Variants in PARD3B observed in about 807,000 individuals in gnomAD.
PARD3B encodes par-3 family cell polarity regulator beta.
PARD3B carries 103 observed loss-of-function variants against 130.2 expected under a neutral mutation model. That is an observed-to-expected ratio of 0.79 (90% CI 0.67 to 0.93). The LOEUF is 0.93. Among genes scored for constraint, PARD3B ranks in the 40% least tolerant of loss-of-function variants. The pLI is 0.00. For missense variants in PARD3B, 1,609 were observed against 1,499.2 expected (o/e 1.07, Z -1.21); for synonymous variants, 583 against 553.2 (o/e 1.05, Z -0.76).
At chr2:205,236,732 A>G (rs2039078367) in intron 15 of PARD3B, among the ~76,000 whole-genome samples, 1 of 152,226 alleles carries the variant, frequency 6.6e-6, no homozygotes, top group South Asian at 2.1e-4. Flanking sequence ...ACACATATTA[A>G]CAGACTAAAA....
At chr2:204,777,046 A>G (rs773814917) in intron 2 of PARD3B, among the ~76,000 whole-genome samples, 323 of 152,300 alleles carry the variant, frequency 2.1e-3, no homozygotes, top group Non-Finnish European at 3.5e-3. Context: ...CTCAGTGAAG[A>G]TGATAAATAA....
chr2:204,861,741 T>C (rs1411298322), intron 2 of PARD3B, among the ~76,000 whole-genome samples: 2 of 151,786 alleles, frequency 1.3e-5, no homozygotes, highest in South Asian at 4.2e-4. Context: ...TAGTAGCATC[T>C]GACTGGAATT....
intron 21 of PARD3B, among the ~76,000 whole-genome samples, chr2:205,508,148 A>G (rs2050446632): frequency 1.3e-5 from 2 of 152,188 alleles, no homozygotes; most frequent in Non-Finnish European, 2.9e-5. Context: ...TGAAAGGACT[A>G]AAGTTGCTCT....
rs529702676 is a variant in PARD3B, at chr2:205,120,021, C to T, written c.806+975C>T. ...CAAAACAGCTCCTAATACATCTTCT[C>T]GCTGGGCATTAGTTGTCAATATTGT... is the stretch of plus-strand genomic sequence containing the variant. On this transcript the variant is annotated intron_variant, in intron 7 of 22. Transcript: ENST00000406610. Among the ~76,000 whole-genome samples, 4 of 152,046 alleles carry T rather than the reference C, an allele frequency of 2.6e-5. No individual in the cohort carries two copies. In the South Asian group the frequency reaches 6.3e-4, roughly 24 times the overall value.
intron 2 of PARD3B, among the ~76,000 whole-genome samples, chr2:204,790,535 A>G (rs1005331962): frequency 6.6e-6 from 1 of 152,210 alleles, no homozygotes; most frequent in African/African-American, 2.4e-5. Context: ...TGATGTTTAC[A>G]TTCTGGTACC....
chr2:204,738,253 G>T (rs1173271544), intron 2 of PARD3B, among the ~76,000 whole-genome samples: 1 of 152,088 alleles, frequency 6.6e-6, no homozygotes, highest in Non-Finnish European at 1.5e-5. Flanking sequence ...TTTTAGCAGT[G>T]TTTTGTAGTT....
rs982563859 is a variant in PARD3B, at chr2:205,160,273, T to C, written c.1620+1366T>C. Among the ~76,000 whole-genome samples the C allele has an allele frequency of 6.6e-6, 1 of 151,910 alleles. No individual in the cohort carries two copies. Among genetic ancestry groups the C allele is most frequent in the African/African-American group, 2.4e-5 (1 of 41,326 alleles). On this transcript the variant is annotated intron_variant, in intron 11 of 22. Coordinates refer to ENST00000406610, the MANE Select transcript of PARD3B (RefSeq NM_001302769.2). The surrounding 1 kb of genome is among the most constrained non-coding windows in gnomAD (Gnocchi z 4.0). ...ATAGCTCTGTGTGGGGGAGCTGGGG[T>C]TTGGGTAGGATTCTGATTCAGGCTG...
chr2:205,522,097 A>ATAATATATTTAATAATTATTTTTT, intron 21 of PARD3B, among the ~76,000 whole-genome samples: 1 of 151,678 alleles, frequency 6.6e-6, no homozygotes, highest in African/African-American at 2.4e-5. Context: ...TCTTTACCAA[A>ATAATATATTTAATAATTATTTTTT]TAATATATTT....
chr2:205,332,734 G>C (rs115230132), intron 18 of PARD3B, among the ~76,000 whole-genome samples: 1 of 152,192 alleles, frequency 6.6e-6, no homozygotes, highest in East Asian at 1.9e-4. Context: ...AGGGTGCAGA[G>C]AGCTCTCCCT....
At position 204,610,986 on chromosome 2, in the gene PARD3B, C is replaced by G. The variant is rs982347916; in HGVS notation, c.120+64867C>G. Among the ~76,000 whole-genome samples, 5 of 152,184 alleles carry G rather than the reference C, an allele frequency of 3.3e-5. No individual in the cohort carries two copies. Among genetic ancestry groups the G allele is most frequent in the Non-Finnish European group, 7.3e-5 (5 of 68,038 alleles). ...TTTCCTGCTTTTCGAAATCATTTCT[C>G]TCATACCATCCCTCCAGCAGCGGTC... On this transcript the variant is annotated intron_variant, in intron 1 of 22. Coordinates refer to ENST00000406610, the MANE Select transcript of PARD3B (RefSeq NM_001302769.2). The surrounding 1 kb of genome is among the most constrained non-coding windows in gnomAD (Gnocchi z 4.1).
intron 2 of PARD3B, among the ~76,000 whole-genome samples, chr2:204,879,427 T>C (rs1462819114): frequency 6.6e-6 from 1 of 152,176 alleles, no homozygotes; most frequent in Non-Finnish European, 1.5e-5. Context: ...CTCTGGACTG[T>C]GAGGAAGGAG....
At chr2:205,257,229 G>A (rs113167196) in intron 16 of PARD3B, among the ~76,000 whole-genome samples, 4 of 151,948 alleles carry the variant, frequency 2.6e-5, no homozygotes, top group African/African-American at 7.3e-5. Context: ...ATTAGAAACC[G>A]CATACCCCTA....
At chr2:205,334,332 A>G (rs761620492) in intron 18 of PARD3B, among the ~76,000 whole-genome samples, 3 of 152,222 alleles carry the variant, frequency 2.0e-5, no homozygotes, top group Non-Finnish European at 4.4e-5. Context: ...AATTTTCTTA[A>G]GAATAAATAA....
At chr2:204,721,704 A>G (rs1247772303) in intron 2 of PARD3B, among the ~76,000 whole-genome samples, 2 of 152,134 alleles carry the variant, frequency 1.3e-5, no homozygotes, top group Non-Finnish European at 2.9e-5. Context: ...TGGCAAAGGT[A>G]TTTTAGTAGT....
intron 1 of PARD3B, among the ~76,000 whole-genome samples, chr2:204,626,519 C>G (rs1268089689): frequency 2.0e-4 from 30 of 151,328 alleles, no homozygotes; most frequent in Admixed American, 2.0e-3. Context: ...TATTTGAATA[C>G]AGATAGACGA....
chr2:205,434,107 A>C (rs1249315915), intron 19 of PARD3B, among the ~76,000 whole-genome samples: 1 of 152,218 alleles, frequency 6.6e-6, no homozygotes, highest in African/African-American at 2.4e-5. Context: ...ATGCCATTTT[A>C]TACTTCCACC....
At chr2:205,101,538 C>A (rs955369647) in intron 4 of PARD3B, among the ~76,000 whole-genome samples, 1 of 152,084 alleles carries the variant, frequency 6.6e-6, no homozygotes, top group Admixed American at 6.5e-5. Context: ...ACAGCGTACG[C>A]CAGAGAACAG....
chr2:205,536,266 A>G lies in PARD3B; in HGVS notation c.3181-17058A>G, dbSNP rs573807182. Among the ~76,000 whole-genome samples the G allele has an allele frequency of 2.0e-5, 3 of 152,284 alleles. No individual in the cohort carries two copies. In the East Asian group the frequency reaches 5.8e-4, roughly 29 times the overall value. On this transcript the variant is annotated intron_variant, in intron 21 of 22. Transcript: ENST00000406610. ...AGGCTGAATTGACTTTTGATTTTTT[A>G]AGAAATGATTCGATTAACTTTTGAA...
At chr2:205,478,002 C>T (rs2049085089) in intron 20 of PARD3B, among the ~76,000 whole-genome samples, 2 of 152,212 alleles carry the variant, frequency 1.3e-5, no homozygotes, top group South Asian at 4.1e-4. Flanking sequence ...GAGAAGGACA[C>T]GGAGCAAGGA....
Sources: gnomAD v4.1 joint callset for allele counts (sites outside exome capture counted in the v4.1 genomes callset) on GRCh38, gnomAD v4.1.1 for gene constraint, Gnocchi (gnomAD v3.1) non-coding constraint, MANE v1.5 for transcripts, NCBI Gene and HGNC (gene_info 2026-07-23, HGNC 2026-07-21) for gene names.